ARHGAP32: variants seen among roughly 807,000 people sequenced by gnomAD.
ARHGAP32 encodes Rho GTPase activating protein 32.
A neutral mutation model predicts 186.5 loss-of-function variants in ARHGAP32; 51 were observed. That is an observed-to-expected ratio of 0.27 (90% CI 0.22 to 0.35). ARHGAP32 has a LOEUF of 0.35. ARHGAP32 is among the 10% of genes least tolerant of loss of function. The pLI, the probability that ARHGAP32 is intolerant of heterozygous loss-of-function variation, is 1.00. For missense variants in ARHGAP32, 2,186 were observed against 2,623.5 expected (o/e 0.83, Z 3.64); for synonymous variants, 950 against 964.3 (o/e 0.99, Z 0.27).
chr11:129,241,435 G>C (rs1945016609), intron 1 of ARHGAP32, among the ~76,000 whole-genome samples: 1 of 152,120 alleles, frequency 6.6e-6, no homozygotes, highest in Admixed American at 6.5e-5. Flanking sequence ...TCGAGCCCAA[G>C]AAGTCAAGAC....
chr11:129,036,770 T>C (rs1463737289), intron 11 of ARHGAP32, among the ~76,000 whole-genome samples: 1 of 152,168 alleles, frequency 6.6e-6, no homozygotes. Flanking sequence ...AGCTACTTAA[T>C]GGTAAAAGAC....
At chr11:129,048,067 T>C (rs1320403957) in intron 10 of ARHGAP32, among the ~76,000 whole-genome samples, 1 of 151,944 alleles carries the variant, frequency 6.6e-6, no homozygotes, top group Non-Finnish European at 1.5e-5. Flanking sequence ...TTCCTACCAA[T>C]TCCCCCACCC....
chr11:129,044,833 CA>C (rs914024382), intron 10 of ARHGAP32, among the ~76,000 whole-genome samples: 2 of 151,178 alleles, frequency 1.3e-5, no homozygotes. Context: ...ACCTATACCT[CA>C]AAGAGTTTAT....
intron 10 of ARHGAP32, among the ~76,000 whole-genome samples, chr11:129,053,632 C>T (rs1940140502): frequency 6.6e-6 from 1 of 152,132 alleles, no homozygotes; most frequent in South Asian, 2.1e-4. Flanking sequence ...ACCCTTTATG[C>T]TTTAGTTTCT....
chr11:129,096,604 A>G (rs958507387), intron 5 of ARHGAP32, among the ~76,000 whole-genome samples: 2 of 152,070 alleles, frequency 1.3e-5, no homozygotes, highest in Non-Finnish European at 2.9e-5. Context: ...ATACCTTACA[A>G]GAGTCAAGAC....
chr11:129,000,673 G>T (rs141382216), intron 11 of ARHGAP32, among the ~76,000 whole-genome samples: 232 of 152,034 alleles, frequency 1.5e-3, no homozygotes, highest in Non-Finnish European at 2.8e-3. Flanking sequence ...AATTATTTTT[G>T]ACTGTAGTCA....
upstream of ARHGAP32, among the ~76,000 whole-genome samples, chr11:129,192,611 G>A (rs936468364): frequency 1.3e-5 from 2 of 152,116 alleles, no homozygotes; most frequent in Non-Finnish European, 2.9e-5. Flanking sequence ...TAGAAAACTA[G>A]AAAGAATAAC....
rs1945464273 is a variant in ARHGAP32 at position 129,270,791 on chromosome 11, G to A, written c.-5+8355C>T. On this transcript the variant is annotated intron_variant, in intron 1 of 6. Coordinates refer to the ARHGAP32 transcript ENST00000525234. ...AGTGAACAAAGAAGAAAAGAAGAGA[G>A]AGCAGAAGATGAGAGCAGAGAAGCA... Among the ~76,000 whole-genome samples, 4 of 151,544 alleles carry A rather than the reference G, an allele frequency of 2.6e-5. No individual in the cohort carries two copies. In the South Asian group the frequency reaches 8.3e-4, roughly 32 times the overall value.
At chr11:129,224,548 A>G (rs1238587563) in intron 1 of ARHGAP32, among the ~76,000 whole-genome samples, 2 of 151,986 alleles carry the variant, frequency 1.3e-5, no homozygotes, top group African/African-American at 2.4e-5. Context: ...ATTTCAACTT[A>G]CCCTATTCCT....
chr11:129,133,605 A>G (rs1182793825), intron 2 of ARHGAP32, among the ~76,000 whole-genome samples: 1 of 152,212 alleles, frequency 6.6e-6, no homozygotes, highest in Non-Finnish European at 1.5e-5. Flanking sequence ...AAGACAGTGG[A>G]GCAACGTCTA....
At chr11:129,167,870 G>A (rs1490902497) in intron 1 of ARHGAP32, among the ~76,000 whole-genome samples, 5 of 152,134 alleles carry the variant, frequency 3.3e-5, no homozygotes, top group Non-Finnish European at 7.4e-5. Context: ...GAATCACATG[G>A]CATGTGAATT....
intron 1 of ARHGAP32, among the ~76,000 whole-genome samples, chr11:129,179,818 T>A (rs1000576218): frequency 2.0e-5 from 3 of 151,798 alleles, no homozygotes; most frequent in African/African-American, 7.3e-5. Context: ...GGGGGAGGGA[T>A]AGCATTGGGA....
chr11:129,211,737 G>A (rs960310262), intron 1 of ARHGAP32, among the ~76,000 whole-genome samples: 1 of 152,184 alleles, frequency 6.6e-6, no homozygotes, highest in African/African-American at 2.4e-5. Context: ...ACAGTTGATT[G>A]TGTTTAATGA....
intron 1 of ARHGAP32, among the ~76,000 whole-genome samples, chr11:129,206,917 C>A (rs374405481): frequency 1.3e-5 from 2 of 152,168 alleles, no homozygotes; most frequent in South Asian, 2.1e-4. Context: ...CCCTCACCCC[C>A]CAACAGGCCC....
At chr11:129,157,111 G>A (rs565409284) in intron 2 of ARHGAP32, among the ~76,000 whole-genome samples, 1 of 152,260 alleles carries the variant, frequency 6.6e-6, no homozygotes, top group African/African-American at 2.4e-5. Flanking sequence ...ATAAATCCAT[G>A]AAGATGAGGA....
At chr11:129,041,716 A>G (rs1939600470) in intron 10 of ARHGAP32, among the ~76,000 whole-genome samples, 1 of 152,212 alleles carries the variant, frequency 6.6e-6, no homozygotes, top group Non-Finnish European at 1.5e-5. Flanking sequence ...GCATTGTAAC[A>G]AGCCGTATTA....
intron 6 of ARHGAP32, among the ~76,000 whole-genome samples, chr11:129,091,304 CT>C (rs1941572208): frequency 6.6e-6 from 1 of 152,110 alleles, no homozygotes; most frequent in Non-Finnish European, 1.5e-5. Flanking sequence ...GGCCTGGGTG[CT>C]CCCTTAGGGG....
intron 1 of ARHGAP32, among the ~76,000 whole-genome samples, chr11:129,278,076 T>C (rs11221633): frequency 0.33 from 50,228 of 152,078 alleles, 8,550 homozygotes; most frequent in South Asian, 0.46. Flanking sequence ...CTTCTTCCAA[T>C]AGAAATACAA....
chr11:129,257,717 A>AC (rs1945272612), intron 1 of ARHGAP32, among the ~76,000 whole-genome samples: 1 of 105,010 alleles, frequency 9.5e-6, no homozygotes, highest in African/African-American at 3.8e-5. Flanking sequence ...AAAAAAAAAA[A>AC]AAAACAGAAC....
Sources: allele counts gnomAD v4.1 joint callset (sites outside exome capture counted in the v4.1 genomes callset), GRCh38; gene constraint gnomAD v4.1.1; transcripts MANE v1.5; gene names NCBI Gene and HGNC (gene_info 2026-07-23, HGNC 2026-07-21).